Variants in ATP6V0D2 observed in about 807,000 individuals in gnomAD.
ATP6V0D2 encodes V-type proton ATPase subunit d 2.
In ATP6V0D2, 40 loss-of-function variants were observed where a neutral mutation model predicts 40.0. The ratio of observed to expected loss-of-function variants is 1.00; its 90% CI spans 0.78 to 1.30. The LOEUF is 1.30. Among genes scored for constraint, ATP6V0D2 ranks in the 50% most tolerant of loss-of-function variants. The pLI is 0.00. For synonymous variants in ATP6V0D2, 179 were observed against 156.3 expected, an observed-to-expected ratio of 1.15 and a Z score of -1.08; for missense variants, 470 against 423.1, an observed-to-expected ratio of 1.11 and a Z score of -0.97.
chr8:86,107,802 C>T (rs965470600), intron 1 of ATP6V0D2, among the ~76,000 whole-genome samples: 1 of 152,122 alleles, frequency 6.6e-6, no homozygotes, highest in Non-Finnish European at 1.5e-5. Flanking sequence ...CGGGAGTGAG[C>T]AGCAGAAATC....
intron 6 of ATP6V0D2, 43 bp downstream of exon 6, chr8:86,150,331 C>G: frequency 3.2e-6 from 5 of 1,570,426 alleles, no homozygotes; most frequent in Non-Finnish European, 4.3e-6. Flanking sequence ...TGTGTTCATT[C>G]ATTTCCATGT....
chr8:86,111,804 C>T (rs1176913292), intron 1 of ATP6V0D2, among the ~76,000 whole-genome samples: 1 of 152,330 alleles, frequency 6.6e-6, no homozygotes, highest in African/African-American at 2.4e-5. Flanking sequence ...TCCTTCAAGA[C>T]ACTTTCCTAG....
chr8:86,101,441 C>G (rs1818395818), intron 1 of ATP6V0D2, among the ~76,000 whole-genome samples: 1 of 112,558 alleles, frequency 8.9e-6, no homozygotes, highest in African/African-American at 3.5e-5. Flanking sequence ...GCCTGGGCGA[C>G]AGAGTGAGAC....
chr8:86,139,113 A>C (rs1448382976), intron 2 of ATP6V0D2, among the ~76,000 whole-genome samples: 1 of 151,930 alleles, frequency 6.6e-6, no homozygotes, highest in East Asian at 1.9e-4. Flanking sequence ...TTGTAATCCC[A>C]GCTACTCAGG....
chr8:86,118,081 C>CTTTTTTTTTTTTTTTTTTTTTTTTTTT (rs1554587902), intron 2 of ATP6V0D2, among the ~76,000 whole-genome samples: 1 of 52,154 alleles, frequency 1.9e-5, no homozygotes, highest in South Asian at 5.7e-4. Flanking sequence ...TTCTTTCTTT[C>CTTTTTTTTTTTTTTTTTTTTTTTTTTT]TTTCTTTTTT....
intron 5 of ATP6V0D2, among the ~76,000 whole-genome samples, chr8:86,149,118 G>A (rs1053132686): frequency 6.7e-6 from 1 of 148,892 alleles, no homozygotes; most frequent in African/African-American, 2.5e-5. Flanking sequence ...ATTTTAGAGT[G>A]TAGTGGGGAG....
At chr8:86,112,649 T>C (rs897784004) in intron 1 of ATP6V0D2, among the ~76,000 whole-genome samples, 1 of 151,564 alleles carries the variant, frequency 6.6e-6, no homozygotes, top group Non-Finnish European at 1.5e-5. Flanking sequence ...AATAAGCCAA[T>C]CTGAAAAGGG....
At chr8:86,147,371 G>T (rs970249503) in intron 5 of ATP6V0D2, among the ~76,000 whole-genome samples, 1 of 152,044 alleles carries the variant, frequency 6.6e-6, no homozygotes, top group Non-Finnish European at 1.5e-5. Context: ...AAAAAAATAA[G>T]GTCTAGTTTT....
rs145924476 is a variant in ATP6V0D2, at chr8:86,149,739, C to G, written c.640-373C>G. ...TGCTAAGCACTTCCACTTATGTTACCTGGTTCTGCCCCTGAATGAACCCTA... is the reference window on the plus strand; with the variant it reads ...TGCTAAGCACTTCCACTTATGTTACGTGGTTCTGCCCCTGAATGAACCCTA... On this transcript the variant is annotated intron_variant, in intron 5 of 7. Transcript: ENST00000285393. Among the ~76,000 whole-genome samples, 707 of 152,308 alleles carry G rather than the reference C, an allele frequency of 4.6e-3. 2 individuals carry two copies. The highest frequency in any genetic ancestry group is 0.015 in the African/African-American group (630 of 41,564).
intron 2 of ATP6V0D2, among the ~76,000 whole-genome samples, chr8:86,127,454 A>G (rs538614422): frequency 6.7e-6 from 1 of 149,860 alleles, no homozygotes; most frequent in East Asian, 1.9e-4. Flanking sequence ...GACCCCTGAA[A>G]TGCTTTTTTT....
chr8:86,113,655 G>A, intron 1 of ATP6V0D2, 54 bp from the exon 2 acceptor site: 2 of 1,464,736 alleles, frequency 1.4e-6, no homozygotes, highest in Non-Finnish European at 1.8e-6. Context: ...TGTTGAAAAA[G>A]CTATTTGTGT....
chr8:86,141,444 T>C lies in ATP6V0D2; in HGVS notation c.482-6T>C, dbSNP rs774217320. On this transcript the variant is annotated splice_polypyrimidine_tract_variant and splice_region_variant and intron_variant, in intron 3 of 7. Transcript: ENST00000285393. ...CATTTTTTGGTATGGCAATTTCTGC[T>C]TTCAGCTCCATTCTTCCAAGACTGC... is the stretch of plus-strand genomic sequence containing the variant. 5.0e-6 allele frequency: 8 copies of C among 1,607,878 alleles called. No individual in the cohort carries two copies. The highest frequency in any genetic ancestry group is 2.2e-5 in the East Asian group (1 of 44,786).
chr8:86,101,462 GAAAAAAAAAAAAAA>G (rs59915079), intron 1 of ATP6V0D2, among the ~76,000 whole-genome samples: 2 of 78,196 alleles, frequency 2.6e-5, no homozygotes, highest in Non-Finnish European at 5.0e-5. Context: ...CCTGTCTCAG[GAAAAAAAAAAAAAA>G]AAAAAAAAAG....
intron 2 of ATP6V0D2, among the ~76,000 whole-genome samples, chr8:86,121,717 C>T (rs58658900): frequency 0.12 from 18,085 of 151,424 alleles, 1,394 homozygotes; most frequent in East Asian, 0.31. Flanking sequence ...GAAACCATTT[C>T]TCTTATCTCT....
At chr8:86,148,503 T>C (rs576573432) in intron 5 of ATP6V0D2, among the ~76,000 whole-genome samples, 1 of 152,312 alleles carries the variant, frequency 6.6e-6, no homozygotes, top group South Asian at 2.1e-4. Flanking sequence ...GAGGATAGCA[T>C]ACAGCAATTC....
chr8:86,147,275 G>A (rs1264719745), intron 5 of ATP6V0D2, among the ~76,000 whole-genome samples: 1 of 152,148 alleles, frequency 6.6e-6, no homozygotes, highest in Non-Finnish European at 1.5e-5. Context: ...GAGAGAATGT[G>A]TGACCCCATC....
chr8:86,129,329 G>T (rs1177859757), intron 2 of ATP6V0D2, among the ~76,000 whole-genome samples: 1 of 152,204 alleles, frequency 6.6e-6, no homozygotes, highest in East Asian at 1.9e-4. Context: ...CAGCGACCCT[G>T]TGAAGACAGT....
At chr8:86,138,637 A>G (rs753860141) in intron 2 of ATP6V0D2, among the ~76,000 whole-genome samples, 2 of 152,244 alleles carry the variant, frequency 1.3e-5, no homozygotes, top group Non-Finnish European at 2.9e-5. Flanking sequence ...GAAAATTCAC[A>G]ATGTGATCTC....
intron 1 of ATP6V0D2, among the ~76,000 whole-genome samples, chr8:86,107,854 G>T (rs1478637272): frequency 6.6e-6 from 1 of 152,176 alleles, no homozygotes; most frequent in Non-Finnish European, 1.5e-5. Context: ...AAGCACCAAA[G>T]AGGACTTTGA....
Sources: allele counts gnomAD v4.1 joint callset (sites outside exome capture counted in the v4.1 genomes callset), GRCh38; gene constraint gnomAD v4.1.1; transcripts MANE v1.5; gene names NCBI Gene and HGNC (gene_info 2026-07-23, HGNC 2026-07-21).